Variants in SUMF1 observed in about 807,000 individuals in gnomAD.
SUMF1 encodes sulfatase modifying factor 1.
SUMF1 carries 48 observed loss-of-function variants against 47.6 expected under a neutral mutation model. The observed-to-expected ratio is 1.01, with a 90% confidence interval of 0.80 to 1.28. The LOEUF is 1.28. SUMF1 is among the 50% of genes most tolerant of loss of function. The pLI is 0.00. For synonymous variants in SUMF1, 230 were observed against 192.1 expected (o/e 1.20, Z -1.63); for missense variants, 571 against 485.4 (o/e 1.18, Z -1.66).
At chr3:4,218,873 G>A (rs2125171915) in intron 8 of SUMF1, among the ~76,000 whole-genome samples, 1 of 152,204 alleles carries the variant, frequency 6.6e-6, no homozygotes, top group South Asian at 2.1e-4. Context: ...AGCCTTTTGG[G>A]TTTCAGCATG....
At chr3:4,381,187 G>T (rs1361918733) in intron 7 of SUMF1, among the ~76,000 whole-genome samples, 2 of 152,192 alleles carry the variant, frequency 1.3e-5, no homozygotes, top group Non-Finnish European at 2.9e-5. Flanking sequence ...GGCACCACTA[G>T]CGACCTGGAT....
chr3:4,374,137 G>A (rs1380923832), intron 8 of SUMF1, among the ~76,000 whole-genome samples: 1 of 152,082 alleles, frequency 6.6e-6, no homozygotes, highest in Non-Finnish European at 1.5e-5. Context: ...AGGTATGAAG[G>A]TCTACTCTTA....
chr3:4,249,628 C>G (rs1696748476), intron 8 of SUMF1, among the ~76,000 whole-genome samples: 1 of 152,104 alleles, frequency 6.6e-6, no homozygotes, highest in Non-Finnish European at 1.5e-5. Context: ...CTCCCAATTC[C>G]CTGAGACACA....
At chr3:4,373,685 A>G (rs1192956287) in intron 8 of SUMF1, among the ~76,000 whole-genome samples, 2 of 152,212 alleles carry the variant, frequency 1.3e-5, no homozygotes, top group African/African-American at 4.8e-5. Flanking sequence ...AAATAAGTTA[A>G]TATTTAACAA....
At chr3:4,264,573 A>C (rs1697150934) in intron 8 of SUMF1, among the ~76,000 whole-genome samples, 1 of 152,132 alleles carries the variant, frequency 6.6e-6, no homozygotes, top group Non-Finnish European at 1.5e-5. Flanking sequence ...ATGACTTGTA[A>C]ACGTCTAACT....
At chr3:4,382,377 T>C (rs550046438) in intron 7 of SUMF1, among the ~76,000 whole-genome samples, 1 of 150,566 alleles carries the variant, frequency 6.6e-6, no homozygotes, top group African/African-American at 2.5e-5. Flanking sequence ...AGCCTAAATA[T>C]AATCAAGACT....
chr3:4,457,279 G>C (rs1331891538), intron 1 of SUMF1, among the ~76,000 whole-genome samples: 1 of 151,584 alleles, frequency 6.6e-6, no homozygotes, highest in Non-Finnish European at 1.5e-5. Context: ...ATCTGAAAAA[G>C]ATATTAAGAA....
intron 8 of SUMF1, among the ~76,000 whole-genome samples, chr3:4,287,711 A>G (rs1016203853): frequency 6.6e-6 from 1 of 152,250 alleles, no homozygotes; most frequent in African/African-American, 2.4e-5. Context: ...AATATACTAC[A>G]GTATTCCCTT....
chr3:4,188,362 A>G (rs983238742), intron 8 of SUMF1, among the ~76,000 whole-genome samples: 10 of 152,068 alleles, frequency 6.6e-5, no homozygotes, highest in Non-Finnish European at 8.8e-5. Context: ...ATGGGTTTGG[A>G]AAAATGTCTA....
chr3:4,139,752 G>A (rs1272814733), intron 8 of SUMF1, among the ~76,000 whole-genome samples: 1 of 151,314 alleles, frequency 6.6e-6, no homozygotes, highest in East Asian at 1.9e-4. Context: ...TTTCTAGAGA[G>A]AAGTTAGGCT....
chr3:4,139,441 A>G (rs1694019866), intron 8 of SUMF1, among the ~76,000 whole-genome samples: 1 of 151,988 alleles, frequency 6.6e-6, no homozygotes, highest in Non-Finnish European at 1.5e-5. Flanking sequence ...TATAATAAAG[A>G]GTCATGTATA....
rs190526389 is a variant in SUMF1, at chr3:4,246,382, G to C, written c.1014+129948C>G. On this transcript the variant is annotated intron_variant and NMD_transcript_variant, in intron 8 of 12. Coordinates refer to the SUMF1 transcript ENST00000448413. Reference sequence around the variant, plus strand: ...CCGTAGACTGGAGCTGTTCCTATTCGGCCATCTTGGAGTTTTTGTTTGTTT... The same window carrying C: ...CCGTAGACTGGAGCTGTTCCTATTCCGCCATCTTGGAGTTTTTGTTTGTTT... Among the ~76,000 whole-genome samples the C allele has an allele frequency of 2.3e-4, 35 of 151,916 alleles. 1 individual carries two copies. Among genetic ancestry groups the C allele is most frequent in the Admixed American group, 1.2e-3 (19 of 15,252 alleles).
rs1274825129 is a variant in SUMF1, at chr3:4,439,673, T to C, written c.519+9593A>G. Reference sequence around the variant, plus strand: ...TGGGTTTGGGCAAGAAAAGTCTTAGTGGTCTCATAAGAGAAAAAAAAATCT... The same window carrying C: ...TGGGTTTGGGCAAGAAAAGTCTTAGCGGTCTCATAAGAGAAAAAAAAATCT... On this transcript the variant is annotated intron_variant, in intron 3 of 8. Coordinates refer to ENST00000272902, the MANE Select transcript of SUMF1 (RefSeq NM_182760.4). 1.2e-4 allele frequency among the ~76,000 whole-genome samples: 18 copies of C among 152,104 alleles called. 1 individual carries two copies. The highest frequency in any genetic ancestry group is 1.1e-3 in the Admixed American group (17 of 15,276).
At position 4,142,950 on chromosome 3, in the gene SUMF1, C is replaced by T. The variant is rs2125098077; in HGVS notation, c.1015-74205G>A. Among the ~76,000 whole-genome samples, 2 of 152,136 alleles carry T rather than the reference C, an allele frequency of 1.3e-5. 1 individual carries two copies. On this transcript the variant is annotated intron_variant and NMD_transcript_variant, in intron 8 of 12. Transcript: ENST00000448413. ...TTCCAATATCCAGTCCCAAGAAGAA[C>T]TCAGAGACTCAATCAATAGAAATGT...
intron 8 of SUMF1, among the ~76,000 whole-genome samples, chr3:4,253,623 T>A (rs1193616442): frequency 6.6e-6 from 1 of 151,538 alleles, no homozygotes; most frequent in Non-Finnish European, 1.5e-5. Flanking sequence ...GCCCAAGGAA[T>A]CTCGCTGATT....
At chr3:4,413,176 T>G (rs1473653189) in intron 6 of SUMF1, among the ~76,000 whole-genome samples, 4 of 151,986 alleles carry the variant, frequency 2.6e-5, no homozygotes, top group Non-Finnish European at 5.9e-5. Flanking sequence ...GACTAATTTT[T>G]GGAATTTTTT....
At chr3:4,308,048 C>T (rs566004674) in intron 8 of SUMF1, among the ~76,000 whole-genome samples, 2 of 152,190 alleles carry the variant, frequency 1.3e-5, no homozygotes, top group East Asian at 3.9e-4. Flanking sequence ...ATCCCATTCT[C>T]CGTGTCCTTT....
At chr3:4,181,185 G>A (rs1360885885) in intron 8 of SUMF1, among the ~76,000 whole-genome samples, 6 of 152,100 alleles carry the variant, frequency 3.9e-5, no homozygotes, top group African/African-American at 1.4e-4. Flanking sequence ...CTTATGTTTG[G>A]TAAAGGGAAC....
At chr3:4,202,670 G>C (rs1358904365) in intron 8 of SUMF1, among the ~76,000 whole-genome samples, 1 of 152,010 alleles carries the variant, frequency 6.6e-6, no homozygotes, top group Non-Finnish European at 1.5e-5. Flanking sequence ...GATAGGGATT[G>C]CATTGAATCT....
Sources: gnomAD v4.1 joint callset for allele counts (sites outside exome capture counted in the v4.1 genomes callset) on GRCh38, gnomAD v4.1.1 for gene constraint, MANE v1.5 for transcripts, NCBI Gene and HGNC (gene_info 2026-07-23, HGNC 2026-07-21) for gene names.